The following ZNF366 variants were observed in gnomAD, a reference collection of about 807,000 sequenced individuals.
The protein encoded by ZNF366 is dendritic cell-specific transcript protein.
ZNF366 carries 20 observed loss-of-function variants against 47.2 expected under a neutral mutation model. That is an observed-to-expected ratio of 0.42 (90% CI 0.30 to 0.62). The LOEUF (loss-of-function observed/expected upper bound fraction) is 0.62. Ranked by LOEUF, ZNF366 falls within the 20% of genes least tolerant of loss-of-function variation. The pLI, the probability that ZNF366 is intolerant of heterozygous loss-of-function variation, is 0.16. For synonymous variants in ZNF366, 421 were observed against 395.1 expected (o/e 1.07, Z -0.78); for missense variants, 987 against 976.3 (o/e 1.01, Z -0.15).
intron 1 of ZNF366, among the ~76,000 whole-genome samples, chr5:72,467,540 T>C (rs1403041761): frequency 6.6e-6 from 1 of 152,204 alleles, no homozygotes; most frequent in Non-Finnish European, 1.5e-5. Flanking sequence ...ATAAAATTAC[T>C]GGTATTTTGT....
intron 1 of ZNF366, among the ~76,000 whole-genome samples, chr5:72,506,006 TTC>T: frequency 6.6e-6 from 1 of 152,374 alleles, no homozygotes; most frequent in Middle Eastern, 3.4e-3. Context: ...CACAGTCTAG[TTC>T]TGTCATGTTT....
chr5:72,463,754 T>C (rs12110253), intron 1 of ZNF366, among the ~76,000 whole-genome samples: 7,207 of 152,294 alleles, frequency 0.047, 556 homozygotes, highest in African/African-American at 0.16. Context: ...TTGATGGTTT[T>C]TCTTGTTTAC....
chr5:72,463,329 A>C (rs547044741), intron 1 of ZNF366, among the ~76,000 whole-genome samples: 125 of 152,382 alleles, frequency 8.2e-4, no homozygotes, highest in Admixed American at 2.5e-3. Flanking sequence ...CAATCCAATG[A>C]GGAAAAAATA....
In ZNF366 at chr5:72,460,245, T is replaced by C. The variant is rs759722431; in HGVS notation, c.1252A>G (p.Ile418Val). Residue 418 changes from isoleucine (I) to valine (V), a missense_variant, in exon 2 of 5, where the codon ATC (isoleucine) becomes GTC (valine). Ile to Val is a conservative substitution (Grantham distance 29). Transcript: ENST00000318442. Reference sequence around the variant, plus strand: ...CACTCTGAGCAGATGTAGGGCCGGATGTCCTTGTGCTTCATCATGTGGTTC... The same window carrying C: ...CACTCTGAGCAGATGTAGGGCCGGACGTCCTTGTGCTTCATCATGTGGTTC... ...LQNHMMKHKD[I>V]RPYICSECGM... is the part of the protein sequence containing the mutation. 23 of 1,614,038 alleles carry C rather than the reference T, an allele frequency of 1.4e-5. No individual in the cohort carries two copies. The East Asian group carries it at 5.1e-4, about 36-fold the overall frequency.
At chr5:72,466,761 C>A (rs1365475545) in intron 1 of ZNF366, among the ~76,000 whole-genome samples, 1 of 152,206 alleles carries the variant, frequency 6.6e-6, no homozygotes, top group Non-Finnish European at 1.5e-5. Context: ...CTAATGAAAT[C>A]ATCAGCACAT....
At position 72,460,710 on chromosome 5, in the gene ZNF366, T is replaced by C. The variant is rs1387653212; in HGVS notation, c.787A>G (p.Thr263Ala). 2 of 1,614,056 alleles carry C rather than the reference T, an allele frequency of 1.2e-6. No homozygotes were observed. Among genetic ancestry groups the C allele is most frequent in the Admixed American group, 3.3e-5 (2 of 60,006 alleles). ...TGGGTGACCAGGTTGTACTTGGAGG[T>C]GTAGGACTTCTCGCAGGTGGGGCAC... ...WQCPTCEKSY[T>A]SKYNLVTHIL... Residue 263 changes from threonine (T) to alanine (A), a missense_variant, in exon 2 of 5, where the codon ACC becomes GCC. Physicochemically the swap from Thr to Ala is moderately conservative, Grantham distance 58 (BLOSUM62 0). Around this residue, in one of 3 missense-constraint regions of ZNF366, gnomAD observed 591 missense variants for 560.9 expected, o/e 1.05. Transcript: ENST00000318442.
intron 1 of ZNF366, among the ~76,000 whole-genome samples, chr5:72,483,871 G>C (rs1052206244): frequency 1.3e-5 from 2 of 152,018 alleles, no homozygotes; most frequent in African/African-American, 4.8e-5. Flanking sequence ...TACCATGAGG[G>C]ATACACAGTA....
chr5:72,498,373 G>T (rs1299677212), intron 1 of ZNF366, among the ~76,000 whole-genome samples: 1 of 151,928 alleles, frequency 6.6e-6, no homozygotes. Context: ...TTTTTATCAT[G>T]TACTAAATTC....
At position 72,465,802 on chromosome 5, in the gene ZNF366, C is replaced by A. The variant is rs1022707682; in HGVS notation, c.-14-4292G>T. On this transcript the variant is annotated intron_variant, in intron 1 of 4. Transcript: ENST00000318442. Reference sequence around the variant, plus strand: ...GCTGCGTGTGGGATAATGGAAAGAGCGTTGGTTTGGAGCCTGAAAGTCTAG... The same window carrying A: ...GCTGCGTGTGGGATAATGGAAAGAGAGTTGGTTTGGAGCCTGAAAGTCTAG... Among the ~76,000 whole-genome samples, 5 of 152,178 alleles carry A rather than the reference C, an allele frequency of 3.3e-5. No individual in the cohort carries two copies. In the East Asian group the frequency reaches 9.6e-4, roughly 29 times the overall value.
At chr5:72,474,512 A>G (rs1456788572) in intron 1 of ZNF366, among the ~76,000 whole-genome samples, 1 of 152,242 alleles carries the variant, frequency 6.6e-6, no homozygotes, top group Non-Finnish European at 1.5e-5. Flanking sequence ...AAAAAAGGAC[A>G]TCAGAGTAAG....
chr5:72,489,100 A>G (rs1261058489), intron 1 of ZNF366, among the ~76,000 whole-genome samples: 1 of 152,080 alleles, frequency 6.6e-6, no homozygotes, highest in Non-Finnish European at 1.5e-5. Flanking sequence ...TTCTGGCCAG[A>G]TGTGGTGGCT....
Position 72,460,243 on chromosome 5 carries a change from G to C in ZNF366, c.1254C>G (p.Ile418Met). The change falls in exon 2 of 5, where the codon ATC becomes ATG. Residue 418 changes from isoleucine to methionine, a missense_variant. Ile to Met is a conservative substitution (Grantham distance 10, BLOSUM62 1). This residue lies in a region of ZNF366 where 591 missense variants were observed against 560.9 expected (regional missense o/e 1.05). Coordinates refer to ENST00000318442, the MANE Select transcript of ZNF366 (RefSeq NM_152625.3). ...LQNHMMKHKD[I>M]RPYICSECGM... ...CACACTCTGAGCAGATGTAGGGCCG[G>C]ATGTCCTTGTGCTTCATCATGTGGT... 6.2e-7 allele frequency: 1 copy of C among 1,614,210 alleles called. No homozygotes were observed. Among genetic ancestry groups the C allele is most frequent in the Non-Finnish European group, 8.5e-7 (1 of 1,179,998 alleles).
chr5:72,473,843 G>C (rs963668812), intron 1 of ZNF366, among the ~76,000 whole-genome samples: 1 of 152,142 alleles, frequency 6.6e-6, no homozygotes, highest in Non-Finnish European at 1.5e-5. Context: ...ACTCTCTTCT[G>C]TCATTGCACC....
chr5:72,498,556 C>G (rs550629174), intron 1 of ZNF366, among the ~76,000 whole-genome samples: 1 of 152,328 alleles, frequency 6.6e-6, no homozygotes, highest in East Asian at 1.9e-4. Context: ...ACACTTAAAT[C>G]TTCTCTCATT....
Position 72,443,569 on chromosome 5 carries a change from A to G in ZNF366, c.*187T>C. 1 of 622,898 alleles carries G rather than the reference A, an allele frequency of 1.6e-6. No individual in the cohort carries two copies. The highest frequency in any genetic ancestry group is 2.8e-6 in the Non-Finnish European group (1 of 362,948). The allele number at this position is 622,898 out of a possible 1,614,324, so 38.6% of individuals were successfully genotyped here. The stretch of plus-strand genomic sequence containing the variant: ...TGATGAAGACCCTGCACATGTGTGA[A>G]GGGTATCAAGGGCCCCGTGAATGAC... On this transcript the variant is annotated 3_prime_UTR_variant, in exon 5 of 5. Transcript: ENST00000318442.
At chr5:72,506,678 A>C (rs1043545255) in intron 1 of ZNF366, among the ~76,000 whole-genome samples, 1 of 152,192 alleles carries the variant, frequency 6.6e-6, no homozygotes, top group Non-Finnish European at 1.5e-5. Flanking sequence ...GAACCTGAAC[A>C]CATAAGCTCC....
chr5:72,462,399 T>C (rs557077221), intron 1 of ZNF366, among the ~76,000 whole-genome samples: 2 of 152,262 alleles, frequency 1.3e-5, no homozygotes, highest in Non-Finnish European at 2.9e-5. Context: ...ACATGTCCCC[T>C]GCTGACACAG....
chr5:72,491,209 A>G (rs1744001664), intron 1 of ZNF366, among the ~76,000 whole-genome samples: 1 of 152,250 alleles, frequency 6.6e-6, no homozygotes, highest in Non-Finnish European at 1.5e-5. Flanking sequence ...CCACAGCCCC[A>G]CAAAAGGGGT....
chr5:72,495,751 C>A (rs1237923035), intron 1 of ZNF366, among the ~76,000 whole-genome samples: 1 of 152,164 alleles, frequency 6.6e-6, no homozygotes, highest in Non-Finnish European at 1.5e-5. Context: ...ATCAACTTTA[C>A]TTTACAGATG....
Sources: allele counts gnomAD v4.1 joint callset (sites outside exome capture counted in the v4.1 genomes callset), GRCh38; gene constraint gnomAD v4.1.1; regional missense constraint gnomAD v4.1.1; transcripts MANE v1.5; gene names NCBI Gene and HGNC (gene_info 2026-07-23, HGNC 2026-07-21).